Variants in SNCAIP observed in about 807,000 individuals in gnomAD.
The protein encoded by SNCAIP is synuclein alpha interacting protein, also known as synphilin-1.
Under a neutral mutation model 86.7 loss-of-function variants are expected in SNCAIP, and 43 were observed. The observed-to-expected ratio is 0.50, with a 90% confidence interval of 0.39 to 0.64. The LOEUF (loss-of-function observed/expected upper bound fraction) is 0.64, where lower values mean the gene tolerates loss of function less well. Ranked by LOEUF, SNCAIP falls within the 30% of genes least tolerant of loss-of-function variation. The pLI is 0.00. For synonymous variants in SNCAIP, 417 were observed against 427.2 expected, an observed-to-expected ratio of 0.98 and a Z score of 0.29; for missense variants, 981 against 1,103.1, an observed-to-expected ratio of 0.89 and a Z score of 1.57.
chr5:122,416,206 C>G (rs1374300945), intron 3 of SNCAIP, among the ~76,000 whole-genome samples: 1 of 152,144 alleles, frequency 6.6e-6, no homozygotes, highest in African/African-American at 2.4e-5. Flanking sequence ...CTTGACAATT[C>G]TGGGCAGAGC....
intron 1 of SNCAIP, among the ~76,000 whole-genome samples, chr5:122,374,326 G>A (rs1480174033): frequency 6.6e-6 from 1 of 152,116 alleles, no homozygotes; most frequent in Non-Finnish European, 1.5e-5. Flanking sequence ...CTTTATTCCA[G>A]CTGTTCTTAC....
In SNCAIP at chr5:122,392,737, GAT is replaced by G. The variant is rs1345460933; in HGVS notation, c.57+1548_57+1549del. Among the ~76,000 whole-genome samples the G allele has an allele frequency of 2.0e-5, 3 of 152,306 alleles. No individual in the cohort carries two copies. The East Asian group carries it at 5.8e-4, about 29-fold the overall frequency. On this transcript the variant is annotated intron_variant, in intron 2 of 10. Transcript: ENST00000261368. ...TAGCACATTAACTTCACCTTTCTGA[GAT>G]ACACTTTAGGTTGTTGTGACGATTG...
intron 1 of SNCAIP, among the ~76,000 whole-genome samples, chr5:122,327,166 A>G (rs552149760): frequency 1.7e-4 from 26 of 152,208 alleles, no homozygotes; most frequent in Non-Finnish European, 2.2e-4. Flanking sequence ...ATTCCTAGTC[A>G]TTACTATTCT....
intron 1 of SNCAIP, among the ~76,000 whole-genome samples, chr5:122,382,478 T>C (rs1270044530): frequency 6.6e-6 from 1 of 152,196 alleles, no homozygotes; most frequent in Non-Finnish European, 1.5e-5. Flanking sequence ...CTTCTTTGCC[T>C]TTGGTTTGAA....
chr5:122,354,901 T>A (rs1379091748), intron 1 of SNCAIP, among the ~76,000 whole-genome samples: 1 of 152,222 alleles, frequency 6.6e-6, no homozygotes, highest in Admixed American at 6.5e-5. Flanking sequence ...TTGTATTTCT[T>A]TTCCTTTAGG....
intron 7 of SNCAIP, among the ~76,000 whole-genome samples, chr5:122,442,943 AG>A: frequency 6.6e-6 from 1 of 152,200 alleles, no homozygotes; most frequent in Admixed American, 6.5e-5. Context: ...AGAGTGAGCA[AG>A]GGACCCTATG....
chr5:122,343,216 A>C (rs1402879430), intron 1 of SNCAIP, among the ~76,000 whole-genome samples: 1 of 152,146 alleles, frequency 6.6e-6, no homozygotes, highest in Non-Finnish European at 1.5e-5. Flanking sequence ...CTTACTTCTT[A>C]GTTGTGGATA....
chr5:122,407,194 G>A (rs76832023), intron 3 of SNCAIP, among the ~76,000 whole-genome samples: 1 of 152,154 alleles, frequency 6.6e-6, no homozygotes, highest in Non-Finnish European at 1.5e-5. Flanking sequence ...ATGAGAGACT[G>A]TGGTAATTTT....
chr5:122,366,709 T>C (rs1763264347), intron 1 of SNCAIP, among the ~76,000 whole-genome samples: 1 of 152,044 alleles, frequency 6.6e-6, no homozygotes, highest in Non-Finnish European at 1.5e-5. Flanking sequence ...CAGAGATTGA[T>C]AGGAGCTGAA....
At chr5:122,391,531 A>C (rs190395174) in intron 2 of SNCAIP, among the ~76,000 whole-genome samples, 25 of 152,346 alleles carry the variant, frequency 1.6e-4, no homozygotes, top group Admixed American at 1.6e-3. Flanking sequence ...GTGGCTGGCT[A>C]TTCCACAGCC....
chr5:122,347,751 G>C (rs898236935), intron 1 of SNCAIP, among the ~76,000 whole-genome samples: 2 of 151,904 alleles, frequency 1.3e-5, no homozygotes. Flanking sequence ...AAACAGTTCT[G>C]TTTGTATCTT....
At chr5:122,351,313 G>A in intron 1 of SNCAIP, among the ~76,000 whole-genome samples, 1 of 152,044 alleles carries the variant, frequency 6.6e-6, no homozygotes, top group East Asian at 1.9e-4. Flanking sequence ...AAGGCAGGCA[G>A]ATCACTTGAG....
chr5:122,410,314 T>A (rs1314882471), intron 3 of SNCAIP, among the ~76,000 whole-genome samples: 1 of 152,182 alleles, frequency 6.6e-6, no homozygotes, highest in Non-Finnish European at 1.5e-5. Context: ...TGCTCCAGAA[T>A]GTGCATAGCT....
chr5:122,407,166 A>G (rs1035877401), intron 3 of SNCAIP, among the ~76,000 whole-genome samples: 1 of 152,198 alleles, frequency 6.6e-6, no homozygotes, highest in East Asian at 1.9e-4. Flanking sequence ...GTCACCACAG[A>G]TAGAGAGAAG....
chr5:122,342,037 A>G (rs1757702214), intron 1 of SNCAIP, among the ~76,000 whole-genome samples: 1 of 151,968 alleles, frequency 6.6e-6, no homozygotes. Flanking sequence ...TGGAACTAAC[A>G]CTTCTGTGAA....
chr5:122,454,024 G>T (rs557453374), intron 10 of SNCAIP, among the ~76,000 whole-genome samples: 1 of 152,272 alleles, frequency 6.6e-6, no homozygotes, highest in Non-Finnish European at 1.5e-5. Context: ...CTTCCAAAGT[G>T]CTGGGTTTAC....
At chr5:122,439,431 G>A (rs1419546422) in intron 6 of SNCAIP, among the ~76,000 whole-genome samples, 2 of 152,126 alleles carry the variant, frequency 1.3e-5, no homozygotes. Context: ...TTACTCCCTG[G>A]TGCTCATTTA....
intron 2 of SNCAIP, among the ~76,000 whole-genome samples, chr5:122,392,445 T>C (rs1341058585): frequency 1.3e-5 from 2 of 152,170 alleles, no homozygotes; most frequent in Non-Finnish European, 2.9e-5. Flanking sequence ...TCTCTCTAAG[T>C]CACTATGCTT....
intron 3 of SNCAIP, among the ~76,000 whole-genome samples, chr5:122,415,885 G>T (rs1449702169): frequency 2.0e-5 from 3 of 152,198 alleles, no homozygotes; most frequent in Non-Finnish European, 4.4e-5. Flanking sequence ...GACCTGGAAT[G>T]AACACAAAAC....
Sources: gnomAD v4.1 joint callset for allele counts (sites outside exome capture counted in the v4.1 genomes callset) on GRCh38, gnomAD v4.1.1 for gene constraint, MANE v1.5 for transcripts, NCBI Gene and HGNC (gene_info 2026-07-23, HGNC 2026-07-21) for gene names.